Variants in ZMAT4 observed in about 807,000 individuals in gnomAD.
The protein encoded by ZMAT4 is zinc finger matrin-type protein 4.
In ZMAT4, 17 loss-of-function variants were observed where a neutral mutation model predicts 28.7. That is an observed-to-expected ratio of 0.59 (90% CI 0.41 to 0.89). The LOEUF is 0.89. ZMAT4 is among the 40% of genes least tolerant of loss of function. The pLI is 0.00. For synonymous variants in ZMAT4, 117 were observed against 109.2 expected, an observed-to-expected ratio of 1.07 and a Z score of -0.44; for missense variants, 240 against 283.8, an observed-to-expected ratio of 0.85 and a Z score of 1.11.
intron 1 of ZMAT4, among the ~76,000 whole-genome samples, chr8:40,863,943 T>A (rs777958639): frequency 2.0e-5 from 3 of 152,188 alleles, no homozygotes; most frequent in Non-Finnish European, 4.4e-5. Context: ...GATCATAAAG[T>A]CCTAGAAAAT....
intron 5 of ZMAT4, among the ~76,000 whole-genome samples, chr8:40,628,483 A>T (rs1156715679): frequency 6.6e-6 from 1 of 152,234 alleles, no homozygotes; most frequent in East Asian, 1.9e-4. Flanking sequence ...ATCCAAGGTC[A>T]TACTGCTAAT....
chr8:40,813,697 A>C (rs1308723502), intron 2 of ZMAT4, among the ~76,000 whole-genome samples: 1 of 152,246 alleles, frequency 6.6e-6, no homozygotes, highest in Non-Finnish European at 1.5e-5. Flanking sequence ...CCAAACCTGA[A>C]GAAGCTAAAT....
intron 1 of ZMAT4, among the ~76,000 whole-genome samples, chr8:40,877,685 C>CGTGT (rs137928950): frequency 6.6e-6 from 1 of 151,416 alleles, no homozygotes; most frequent in Non-Finnish European, 1.5e-5. Flanking sequence ...TAAACATATG[C>CGTGT]GTGTGTGTGT....
Position 40,852,154 on chromosome 8 carries a change from G to A in ZMAT4, c.-4-26474C>T, listed in dbSNP as rs148485735. On this transcript the variant is annotated intron_variant, in intron 1 of 6. Coordinates refer to ENST00000297737, the MANE Select transcript of ZMAT4 (RefSeq NM_024645.3). ...ACTTGCCTTGGCCTCCCAAAATGCTGGGATTACAGGCCTAGCTATAATTTT... is the reference window on the plus strand; with the variant it reads ...ACTTGCCTTGGCCTCCCAAAATGCTAGGATTACAGGCCTAGCTATAATTTT... Among the ~76,000 whole-genome samples, 460 of 152,164 alleles carry A rather than the reference G, an allele frequency of 3.0e-3. 2 individuals carry two copies. The highest frequency in any genetic ancestry group is 0.011 in the African/African-American group (445 of 41,510).
At chr8:40,738,003 A>C (rs1382795806) in intron 3 of ZMAT4, among the ~76,000 whole-genome samples, 1 of 152,048 alleles carries the variant, frequency 6.6e-6, no homozygotes, top group Non-Finnish European at 1.5e-5. Flanking sequence ...TCTAAGGGAG[A>C]GCTGCGAAAA....
chr8:40,718,848 C>G (rs140179376), intron 3 of ZMAT4, among the ~76,000 whole-genome samples: 233 of 152,330 alleles, frequency 1.5e-3, no homozygotes, highest in African/African-American at 5.5e-3. Context: ...GCAATTATCT[C>G]TCATACTCTT....
intron 1 of ZMAT4, chr8:40,888,483 G>C (rs1349120158): frequency 2.0e-5 from 3 of 152,374 alleles, no homozygotes; most frequent in Non-Finnish European, 2.9e-5. Context: ...ACTCCTCTTT[G>C]TCATGCCCTA....
chr8:40,891,691 T>A (rs75470200), intron 1 of ZMAT4, among the ~76,000 whole-genome samples: 10,334 of 152,056 alleles, frequency 0.068, 390 homozygotes, highest in African/African-American at 0.076. Context: ...TTCTGGTAGA[T>A]CCCCTAGTGC....
intron 5 of ZMAT4, among the ~76,000 whole-genome samples, chr8:40,659,617 G>A (rs1443724528): frequency 6.6e-6 from 1 of 152,096 alleles, no homozygotes; most frequent in Non-Finnish European, 1.5e-5. Flanking sequence ...ACGTATTCTG[G>A]AGGTGCAATT....
rs1469992456 is a variant in ZMAT4, at chr8:40,825,577, C to T, written c.100G>A (p.Glu34Lys). 5 of 1,551,980 alleles carry T rather than the reference C, an allele frequency of 3.2e-6. No individual in the cohort carries two copies. The highest frequency in any genetic ancestry group is 4.4e-6 in the Non-Finnish European group (5 of 1,147,116). The change falls in exon 2 of 7, where the codon GAG becomes AAG. Residue 34 changes from glutamate (E) to lysine (K), a missense_variant and splice_region_variant. Glu to Lys is a moderately conservative substitution (Grantham distance 56, BLOSUM62 1). Coordinates refer to ENST00000297737, the MANE Select transcript of ZMAT4 (RefSeq NM_024645.3). The part of the protein sequence containing the change: ...ISESQRVAHY[E>K]SRKHASKVRL... Reference sequence around the variant, plus strand: ...AGAGTGGGAAACGCTGTCCTTACCTCGTAGTGGGCCACACGCTGCGATTCG... The same window carrying T: ...AGAGTGGGAAACGCTGTCCTTACCTTGTAGTGGGCCACACGCTGCGATTCG...
At chr8:40,773,023 C>A (rs1813445479) in intron 2 of ZMAT4, among the ~76,000 whole-genome samples, 1 of 152,198 alleles carries the variant, frequency 6.6e-6, no homozygotes, top group African/African-American at 2.4e-5. Flanking sequence ...CAGGGATGAG[C>A]CCTGGAAAAG....
At chr8:40,832,837 G>C (rs1212892975) in intron 1 of ZMAT4, among the ~76,000 whole-genome samples, 3 of 152,192 alleles carry the variant, frequency 2.0e-5, no homozygotes, top group African/African-American at 7.2e-5. Flanking sequence ...CAAAGGAGAG[G>C]GGCTAAGACT....
At chr8:40,700,411 C>CTTTTTTT (rs1353453005) in intron 3 of ZMAT4, among the ~76,000 whole-genome samples, 1 of 97,350 alleles carries the variant, frequency 1.0e-5, no homozygotes, top group African/African-American at 4.4e-5. Context: ...TGCTGCTTTT[C>CTTTTTTT]TTTTTTTTTT....
chr8:40,866,023 T>C (rs1817666735), intron 1 of ZMAT4, among the ~76,000 whole-genome samples: 1 of 152,238 alleles, frequency 6.6e-6, no homozygotes, highest in African/African-American at 2.4e-5. Context: ...TCTGAATGTC[T>C]CCTGGCTGAA....
rs1315481486 is a variant in ZMAT4 at position 40,615,918 on chromosome 8, G to A, written c.578-34657C>T. ...AATTAAACTAAAGAGCTTCTGCACA[G>A]CAAAAGAAACTACCATCAGAGTGAA... On this transcript the variant is annotated intron_variant, in intron 5 of 6. Transcript: ENST00000297737. 8.5e-5 allele frequency among the ~76,000 whole-genome samples: 13 copies of A among 152,158 alleles called. No individual in the cohort carries two copies. In the East Asian group the frequency reaches 1.7e-3, roughly 20 times the overall value.
At chr8:40,767,319 GTCT>G (rs1447916487) in intron 3 of ZMAT4, among the ~76,000 whole-genome samples, 1 of 152,120 alleles carries the variant, frequency 6.6e-6, no homozygotes, top group South Asian at 2.1e-4. Context: ...CTGAGGTCCT[GTCT>G]TCTTAATACT....
At chr8:40,752,121 T>C (rs1285304836) in intron 3 of ZMAT4, among the ~76,000 whole-genome samples, 2 of 152,194 alleles carry the variant, frequency 1.3e-5, no homozygotes, top group Non-Finnish European at 2.9e-5. Flanking sequence ...ATCAGATCAC[T>C]GCTGACTTCC....
chr8:40,601,126 T>TC (rs1805287469), intron 5 of ZMAT4, among the ~76,000 whole-genome samples: 1 of 151,968 alleles, frequency 6.6e-6, no homozygotes, highest in Admixed American at 6.6e-5. Flanking sequence ...AAAACTTTAT[T>TC]CAGTTGATGC....
intron 4 of ZMAT4, among the ~76,000 whole-genome samples, chr8:40,680,672 T>A (rs1809118222): frequency 6.8e-6 from 1 of 146,508 alleles, no homozygotes; most frequent in African/African-American, 2.7e-5. Context: ...CATACACTCC[T>A]CTCTCTCTCT....
Sources: gnomAD v4.1 joint callset for allele counts (sites outside exome capture counted in the v4.1 genomes callset) on GRCh38, gnomAD v4.1.1 for gene constraint, MANE v1.5 for transcripts, NCBI Gene and HGNC (gene_info 2026-07-23, HGNC 2026-07-21) for gene names.